Variants in REC8 observed in about 807,000 individuals in gnomAD.
REC8 encodes REC8 meiotic recombination protein, also known as meiotic recombination protein REC8 homolog.
Under a neutral mutation model 78.3 loss-of-function variants are expected in REC8, and 42 were observed. The ratio of observed to expected loss-of-function variants is 0.54; its 90% confidence interval spans 0.42 to 0.69. The LOEUF (loss-of-function observed/expected upper bound fraction) is 0.69. Ranked by LOEUF, REC8 falls within the 30% of genes least tolerant of loss-of-function variation. The pLI, the probability that REC8 is intolerant of heterozygous loss-of-function variation, is 0.00. For synonymous variants in REC8, 268 were observed against 274.1 expected (o/e 0.98, Z 0.22); for missense variants, 581 against 715.8 (o/e 0.81, Z 2.15).
rs1219161610 is a variant in REC8, at chr14:24,179,831, G to A, written c.1483G>A (p.Glu495Lys). The change falls in exon 18 of 19, where the codon GAG becomes AAG. Residue 495 changes from glutamate to lysine, a missense_variant. By Grantham distance (56) the Glu-to-Lys change is moderately conservative. Coordinates refer to ENST00000611366, the MANE Select transcript of REC8 (RefSeq NM_001048205.2). ...AVALELQANREPDFSSLVSPL... is the reference protein window; with the variant it reads ...AVALELQANRKPDFSSLVSPL... ...GGCACTGGAGCTGCAGGCTAACAGG[G>A]AGCCCGACTTCAGCAGCCTGGTGTC... 3.1e-5 allele frequency: 50 copies of A among 1,613,162 alleles called. No individual in the cohort carries two copies. The highest frequency in any genetic ancestry group is 4.2e-5 in the Non-Finnish European group (50 of 1,179,598).
Position 24,178,638 on chromosome 14 carries a change from A to G in REC8, c.1029A>G (p.Arg343=), listed in dbSNP as rs1185770473. Residue 343 remains arginine, a synonymous_variant, in exon 13 of 19, where the codon AGA becomes AGG. Coordinates refer to ENST00000611366, the MANE Select transcript of REC8 (RefSeq NM_001048205.2). ...PMVQPPERTI[R]GPAELFRTPT... is the part of the protein sequence containing the mutation. The stretch of plus-strand genomic sequence containing the variant: ...TGCAGCCGCCCGAGAGGACCATCAG[A>G]GGCCCTGCGGAGTTGTTCAGAACCC... The G allele has an allele frequency of 6.2e-7, 1 of 1,614,020 alleles. No homozygotes were observed. Among genetic ancestry groups the G allele is most frequent in the Non-Finnish European group, 8.5e-7 (1 of 1,179,980 alleles).
At chr14:24,177,652 T>C (rs1475138361) in intron 10 of REC8, 57 bp from the exon 11 acceptor site, 1 of 1,581,050 alleles carries the variant, frequency 6.3e-7, no homozygotes, top group Non-Finnish European at 8.6e-7. Flanking sequence ...TTTCTTGCCC[T>C]GGCATCTGCA....
intron 12 of REC8, 71 bp downstream of exon 12, chr14:24,178,293 C>A: frequency 1.5e-6 from 2 of 1,360,270 alleles, no homozygotes; most frequent in East Asian, 2.3e-5. Context: ...GCAGGCTGAG[C>A]CTTCCAAACT....
In REC8 at chr14:24,172,948, G is replaced by T. The variant is rs1475840583; in HGVS notation, c.175G>T (p.Gly59Cys). Residue 59 changes from glycine (G) to cysteine (C), a missense_variant, in exon 3 of 19, where the codon GGC becomes TGC. By Grantham distance (159) the Gly-to-Cys change is radical. Coordinates refer to ENST00000611366, the MANE Select transcript of REC8 (RefSeq NM_001048205.2). ...VLVRVQPPQP[G>C]LPRPRFSLYL... Reference sequence around the variant, plus strand: ...GGTACGAGTGCAACCCCCGCAGCCCGGCCTGCCGCGGCCCCGCTTCTCCCT... The same window carrying T: ...GGTACGAGTGCAACCCCCGCAGCCCTGCCTGCCGCGGCCCCGCTTCTCCCT... 1.2e-6 allele frequency: 2 copies of T among 1,610,244 alleles called. No individual in the cohort carries two copies. The highest frequency in any genetic ancestry group is 2.2e-5 in the East Asian group (1 of 44,894).
At chr14:24,177,666 G>A (rs775962655) in intron 10 of REC8, 43 bp from the exon 11 acceptor site, 2 of 1,597,950 alleles carry the variant, frequency 1.3e-6, no homozygotes, top group South Asian at 1.1e-5. Flanking sequence ...ATCTGCAAGG[G>A]GTAAGGGGCT....
chr14:24,172,985 C>T lies in REC8; in HGVS notation c.212C>T (p.Ala71Val). Residue 71 changes from alanine (A) to valine (V), a missense_variant, in exon 3 of 19, where the codon GCC (alanine) becomes GTC (valine). Physicochemically the swap from Ala to Val is moderately conservative, Grantham distance 64. Transcript: ENST00000611366. The stretch of plus-strand genomic sequence containing the variant: ...CCCCGCTTCTCCCTCTATCTCTCAG[C>T]CCAACTTCAGATCGGTGTGATCCGC... ...PRPRFSLYLS[A>V]QLQIGVIRVY... 1 of 1,609,324 alleles carries T rather than the reference C, an allele frequency of 6.2e-7. No homozygotes were observed. Among genetic ancestry groups the T allele is most frequent in the Non-Finnish European group, 8.5e-7 (1 of 1,180,018 alleles).
intron 15 of REC8, 41 bp downstream of exon 15, chr14:24,179,174 A>C: frequency 6.7e-7 from 1 of 1,493,514 alleles, no homozygotes; most frequent in Non-Finnish European, 9.2e-7. Context: ...CCACACCCTA[A>C]CCACTGTCCC....
chr14:24,179,233 G>A, intron 15 of REC8, 100 bp downstream of exon 15: 2 of 1,240,790 alleles, frequency 1.6e-6, no homozygotes, highest in South Asian at 1.2e-5. Context: ...GTGAAGGCGT[G>A]TGTGTGTGAC....
At chr14:24,177,061 G>A (rs1190810813) in intron 7 of REC8, 80 bp from the exon 8 acceptor site, 1 of 1,439,440 alleles carries the variant, frequency 6.9e-7, no homozygotes, top group Non-Finnish European at 9.8e-7. Flanking sequence ...GCATGCCTCT[G>A]GGATCCACTC....
Position 24,175,497 on chromosome 14 carries a change from G to A in REC8, c.463-46G>A, listed in dbSNP as rs142141079. The A allele has an allele frequency of 1.6e-3, 2,257 of 1,453,032 alleles. 40 individuals carry two copies. Among genetic ancestry groups the A allele is most frequent in the Non-Finnish European group, 2.2e-4 (230 of 1,034,014 alleles). 90.0% of individuals were successfully genotyped at this position (1,453,032 alleles called of 1,614,324 possible). On this transcript the variant is annotated intron_variant, in intron 5 of 18. Coordinates refer to ENST00000611366, the MANE Select transcript of REC8 (RefSeq NM_001048205.2). ...AGGCTGTGAAAAGTGGGAAAGCAGG[G>A]GGCTGAAGCTGAACCCTATCTTTTG...
intron 7 of REC8, 69 bp from the exon 8 acceptor site, chr14:24,177,072 T>TCCTGGATCCACTTG: frequency 6.7e-7 from 1 of 1,486,672 alleles, no homozygotes; most frequent in African/African-American, 1.4e-5. Context: ...GGATCCACTC[T>TCCTGGATCCACTTG]CCTGGATCCA....
chr14:24,172,698 C>A lies in REC8; in HGVS notation c.57-15C>A. 6.2e-7 allele frequency: 1 copy of A among 1,614,204 alleles called. No individual in the cohort carries two copies. The highest frequency in any genetic ancestry group is 1.1e-5 in the South Asian group (1 of 91,088). On this transcript the variant is annotated splice_polypyrimidine_tract_variant and intron_variant, in intron 1 of 18. Coordinates refer to ENST00000611366, the MANE Select transcript of REC8 (RefSeq NM_001048205.2). ...CCCTCCATCCCCATTCTCCCACCTT[C>A]CCCACCCACTTCAGGCTGGCGGCGA...
Position 24,177,131 on chromosome 14 carries a change from C to G in REC8, c.625-10C>G, listed in dbSNP as rs781330490. On this transcript the variant is annotated splice_polypyrimidine_tract_variant and intron_variant, in intron 7 of 18. Transcript: ENST00000611366. ...TGAATCCCCTCCCCTTGCTCTTCCT[C>G]TCTGGACAGGGTGAACGGGAGCTCC... is the stretch of plus-strand genomic sequence containing the variant. 7 of 1,613,452 alleles carry G rather than the reference C, an allele frequency of 4.3e-6. No homozygotes were observed. The highest frequency in any genetic ancestry group is 5.9e-6 in the Non-Finnish European group (7 of 1,179,530).
At position 24,180,055 on chromosome 14, in the gene REC8, A is replaced by C; in HGVS notation, c.1604A>C (p.Tyr535Ser). Residue 535 changes from tyrosine (Y) to serine (S), a missense_variant, in exon 19 of 19, where the codon TAT becomes TCT. Transcript: ENST00000611366. ...QILHVKQEKP[Y>S]GRLLIQPGPR... ...CTTCACGTGAAACAAGAAAAGCCAT[A>C]TGGTCGCCTCCTGATCCAGCCGGGG... 6.2e-7 allele frequency: 1 copy of C among 1,614,136 alleles called. No individual in the cohort carries two copies. Among genetic ancestry groups the C allele is most frequent in the Admixed American group, 1.7e-5 (1 of 60,016 alleles).
At chr14:24,175,925 A>G (rs1320691985) in intron 6 of REC8, among the ~76,000 whole-genome samples, 1 of 150,588 alleles carries the variant, frequency 6.6e-6, no homozygotes, top group Non-Finnish European at 1.5e-5. Flanking sequence ...CTGGTCTCAA[A>G]CTCCTGACCT....
chr14:24,178,001 C>T (rs866789468), intron 11 of REC8, 90 bp from the exon 12 acceptor site: 51 of 1,536,646 alleles, frequency 3.3e-5, no homozygotes, highest in Middle Eastern at 2.2e-4. Context: ...CCTCTAGGGG[C>T]GGGTGTGGGG....
intron 6 of REC8, 74 bp downstream of exon 6, chr14:24,175,698 G>A: frequency 8.3e-7 from 1 of 1,197,976 alleles, no homozygotes; most frequent in East Asian, 2.4e-5. Flanking sequence ...CCATTTTTGA[G>A]CTTAAGAGCC....
chr14:24,180,740 C>T (rs114924943), downstream of REC8: 61 of 1,613,932 alleles, frequency 3.8e-5, no homozygotes, highest in Middle Eastern at 1.2e-3. Flanking sequence ...CGCAGAAGCT[C>T]GGGAGCCACA....
chr14:24,175,505 G>A, intron 5 of REC8, 38 bp from the exon 6 acceptor site: 2 of 1,535,702 alleles, frequency 1.3e-6, no homozygotes, highest in Non-Finnish European at 1.8e-6. Flanking sequence ...GGGGGCTGAA[G>A]CTGAACCCTA....
Sources: gnomAD v4.1 joint callset for allele counts (sites outside exome capture counted in the v4.1 genomes callset) on GRCh38, gnomAD v4.1.1 for gene constraint, MANE v1.5 for transcripts, NCBI Gene and HGNC (gene_info 2026-07-23, HGNC 2026-07-21) for gene names.